Variants in ANKRD26 observed in about 807,000 individuals in gnomAD.
ANKRD26 encodes the protein ankyrin repeat domain 26.
A neutral mutation model predicts 208.7 loss-of-function variants in ANKRD26; 141 were observed. The ratio of observed to expected loss-of-function variants is 0.68; its 90% CI spans 0.59 to 0.78. The LOEUF (loss-of-function observed/expected upper bound fraction) is 0.78, where lower values mean the gene tolerates loss of function less well. ANKRD26 is among the 30% of genes least tolerant of loss of function. ANKRD26 has a pLI of 0.00. For missense variants in ANKRD26, 1,889 were observed against 1,938.7 expected (o/e 0.97, Z 0.48); for synonymous variants, 636 against 660.4 (o/e 0.96, Z 0.57).
intron 4 of ANKRD26, among the ~76,000 whole-genome samples, chr10:27,090,202 T>C (rs574690985): frequency 6.6e-6 from 1 of 152,226 alleles, no homozygotes; most frequent in East Asian, 1.9e-4. Context: ...TCCTAGCACT[T>C]TGGGAGGCCA....
At chr10:27,084,772 G>A (rs576452478) in intron 5 of ANKRD26, among the ~76,000 whole-genome samples, 3 of 151,720 alleles carry the variant, frequency 2.0e-5, no homozygotes, top group Non-Finnish European at 2.9e-5. Flanking sequence ...GGGAGGCTGA[G>A]GCAAAAGAAT....
intron 29 of ANKRD26, among the ~76,000 whole-genome samples, chr10:27,018,150 T>G (rs1246028043): frequency 6.6e-6 from 1 of 150,950 alleles, no homozygotes; most frequent in Non-Finnish European, 1.5e-5. Flanking sequence ...AATTTTTTTT[T>G]TTTTTTTTTA....
chr10:27,051,560 G>A (rs2054661173), intron 16 of ANKRD26: 2 of 984,934 alleles, frequency 2.0e-6, no homozygotes, highest in South Asian at 9.4e-5. Flanking sequence ...TCTCATCTGT[G>A]TTAAAAACAT....
downstream of ANKRD26, among the ~76,000 whole-genome samples, chr10:26,972,442 T>C (rs2052164000): frequency 6.6e-6 from 1 of 151,976 alleles, no homozygotes; most frequent in South Asian, 2.1e-4. Flanking sequence ...GAAAAAAAAC[T>C]AAAGCTAAAA....
chr10:27,066,468 TA>T lies in ANKRD26; in HGVS notation c.1269+18del. The T allele has an allele frequency of 6.4e-7, 1 of 1,553,672 alleles. No individual in the cohort carries two copies. Reference sequence around the variant, plus strand: ...CAATGCTTATATTTTAAAATAATAGTAACAACCATAGAAAGTACCTCAGAAT... The same window carrying T: ...CAATGCTTATATTTTAAAATAATAGTACAACCATAGAAAGTACCTCAGAAT... On this transcript the variant is annotated intron_variant, in intron 11 of 33. Coordinates refer to ENST00000376087, the MANE Select transcript of ANKRD26 (RefSeq NM_014915.3).
In ANKRD26 at chr10:27,077,340, T is replaced by G; in HGVS notation, c.1075A>C (p.Lys359Gln). The change falls in exon 9 of 34, where the codon AAG (lysine) becomes CAG (glutamine). Residue 359 changes from lysine to glutamine, a missense_variant and splice_region_variant. Around this residue, in one of 3 missense-constraint regions of ANKRD26, gnomAD observed 1,272 missense variants for 1,273.8 expected, o/e 1.00. Transcript: ENST00000376087. ...HKSLANPGLM[K>Q]EEPTKPGIAK... ...AAGTTTTTTAAAAAACAACTTACCTTCATAAGACCAGGGTTTGCTAACGAC... is the reference window on the plus strand; with the variant it reads ...AAGTTTTTTAAAAAACAACTTACCTGCATAAGACCAGGGTTTGCTAACGAC... The G allele has an allele frequency of 6.2e-7, 1 of 1,612,494 alleles. No individual in the cohort carries two copies. The highest frequency in any genetic ancestry group is 1.7e-5 in the Admixed American group (1 of 60,014).
downstream of ANKRD26, among the ~76,000 whole-genome samples, chr10:26,990,431 C>T (rs1362269780): frequency 6.6e-6 from 1 of 152,144 alleles, no homozygotes; most frequent in Non-Finnish European, 1.5e-5. Context: ...AAGTGTGCTG[C>T]TTGTTGACCT....
At position 27,077,476 on chromosome 10, in the gene ANKRD26, A is replaced by G. The variant is rs761817546; in HGVS notation, c.939T>C (p.Asp313=). 52 of 1,613,900 alleles carry G rather than the reference A, an allele frequency of 3.2e-5. No homozygotes were observed. In the South Asian group the frequency reaches 5.2e-4, roughly 16 times the overall value. ...NRTLFEDRDS[D]SQDEVVVESL... ...TTTCAACCACAACTTCATCTTGACT[A>G]TCGGAATCTCTATCCTCAAACAAAG... The change falls in exon 9 of 34, where the codon GAT becomes GAC. Residue 313 remains aspartate (D), a synonymous_variant. Coordinates refer to ENST00000376087, the MANE Select transcript of ANKRD26 (RefSeq NM_014915.3).
intron 26 of ANKRD26, 34 bp from the exon 27 acceptor site, chr10:27,028,979 A>C: frequency 6.6e-7 from 1 of 1,517,668 alleles, no homozygotes; most frequent in Non-Finnish European, 9.0e-7. Context: ...TTATTCTCAC[A>C]GATAAATTTT....
intron 15 of ANKRD26, among the ~76,000 whole-genome samples, chr10:27,054,079 G>C (rs1269809537): frequency 6.6e-6 from 1 of 152,040 alleles, no homozygotes; most frequent in South Asian, 2.1e-4. Flanking sequence ...CAGATAAACA[G>C]GTGTCTCCTT....
At chr10:27,067,422 T>C (rs2135498878) in intron 9 of ANKRD26, 136 bp from the exon 10 acceptor site, 2 of 616,380 alleles carry the variant, frequency 3.2e-6, no homozygotes, top group Non-Finnish European at 4.7e-6. Flanking sequence ...GGGGGCATAG[T>C]TTTTTTTTTT....
Position 27,046,609 on chromosome 10 carries a change from A to G in ANKRD26, c.1815-86T>C, listed in dbSNP as rs1353005398. Reference sequence around the variant, plus strand: ...GCAGAAAGAGAGTTAAGGAAAAGAAAGAATAAAAAATCCATTAAAAAGCCA... The same window carrying G: ...GCAGAAAGAGAGTTAAGGAAAAGAAGGAATAAAAAATCCATTAAAAAGCCA... On this transcript the variant is annotated intron_variant, in intron 17 of 33. Coordinates refer to ENST00000376087, the MANE Select transcript of ANKRD26 (RefSeq NM_014915.3). 33 of 1,330,928 alleles carry G rather than the reference A, an allele frequency of 2.5e-5. No individual in the cohort carries two copies. The East Asian group carries it at 7.9e-4, about 32-fold the overall frequency. The allele number at this position is 1,330,928 out of a possible 1,614,324, so 82.4% of individuals were successfully genotyped here. A position where few individuals can be genotyped will look rare whatever the true frequency, so the allele number is the denominator to read the frequency against.
chr10:27,026,458 C>T (rs1449266493), intron 27 of ANKRD26, among the ~76,000 whole-genome samples: 1 of 151,970 alleles, frequency 6.6e-6, no homozygotes, highest in Non-Finnish European at 1.5e-5. Flanking sequence ...AAAAGGATGC[C>T]AATAAAGTAG....
the ANKRD26 span, among the ~76,000 whole-genome samples, chr10:26,967,458 C>T: frequency 6.6e-6 from 1 of 152,058 alleles, no homozygotes; most frequent in Non-Finnish European, 1.5e-5. Flanking sequence ...TTTTTTTCTT[C>T]CTTTCTGCCT....
intron 9 of ANKRD26, among the ~76,000 whole-genome samples, chr10:27,069,786 G>C (rs867687290): frequency 2.8e-4 from 42 of 152,020 alleles, no homozygotes; most frequent in African/African-American, 9.9e-4. Flanking sequence ...AAGACAAAGA[G>C]GGAAAAAAAC....
At position 27,017,676 on chromosome 10, in the gene ANKRD26, A is replaced by C; in HGVS notation, c.4332T>G (p.Cys1444Trp). ...LLSMKTVQKK[C>W]EKLQKNKKKL... The stretch of plus-strand genomic sequence containing the variant: ...TCTTTTTATTCTTCTGTAGTTTTTC[A>C]CATTTCTTTTGTACTGTTTTCATAG... Residue 1444 changes from cysteine to tryptophan, a missense_variant, in exon 30 of 34, where the codon TGT becomes TGG. Physicochemically the swap from Cys to Trp is radical, Grantham distance 215. Transcript: ENST00000376087. The C allele has an allele frequency of 6.2e-7, 1 of 1,613,390 alleles. No homozygotes were observed. The highest frequency in any genetic ancestry group is 8.5e-7 in the Non-Finnish European group (1 of 1,179,804).
the ANKRD26 span, among the ~76,000 whole-genome samples, chr10:26,951,019 C>CTT: frequency 4.9e-3 from 238 of 48,584 alleles, 3 homozygotes; most frequent in East Asian, 8.1e-3. Flanking sequence ...TTTTCTTTTT[C>CTT]TTTTTTTTTT....
chr10:27,046,672 T>G (rs1276731232), intron 17 of ANKRD26, 149 bp from the exon 18 acceptor site: 2 of 830,168 alleles, frequency 2.4e-6, no homozygotes, highest in Non-Finnish European at 3.6e-6. Flanking sequence ...TAAAAATAAT[T>G]TTTTATAAAA....
At chr10:27,021,186 T>C (rs1021986379) in intron 29 of ANKRD26, among the ~76,000 whole-genome samples, 10 of 152,320 alleles carry the variant, frequency 6.6e-5, no homozygotes, top group African/African-American at 2.4e-4. Context: ...TTCTTTTCCA[T>C]TGTCTATGGA....
Sources: allele counts gnomAD v4.1 joint callset (sites outside exome capture counted in the v4.1 genomes callset), GRCh38; gene constraint gnomAD v4.1.1; regional missense constraint gnomAD v4.1.1; transcripts MANE v1.5; gene names NCBI Gene and HGNC (gene_info 2026-07-23, HGNC 2026-07-21).